The following UBXN7 variants were observed in gnomAD, a reference collection of about 807,000 sequenced individuals.
The protein encoded by UBXN7 is UBX domain protein 7.
Under a neutral mutation model 58.0 loss-of-function variants are expected in UBXN7, and 9 were observed. The observed-to-expected ratio is 0.16, with a 90% CI of 0.09 to 0.27. The LOEUF is 0.27. UBXN7 is among the 10% of genes least tolerant of loss of function. The pLI is 1.00. For synonymous variants in UBXN7, 208 were observed against 205.0 expected, an observed-to-expected ratio of 1.01 and a Z score of -0.12; for missense variants, 328 against 599.6, an observed-to-expected ratio of 0.55 and a Z score of 4.73.
At chr3:196,428,488 A>G (rs547427620) in intron 1 of UBXN7, among the ~76,000 whole-genome samples, 3 of 152,168 alleles carry the variant, frequency 2.0e-5, no homozygotes, top group East Asian at 3.9e-4. Flanking sequence ...CAGAAATTGT[A>G]TATACTATGA....
chr3:196,383,520 T>G (rs374096919), intron 5 of UBXN7, among the ~76,000 whole-genome samples: 2 of 152,140 alleles, frequency 1.3e-5, no homozygotes, highest in African/African-American at 4.8e-5. Context: ...CACATCACAC[T>G]TATTCCAAAA....
chr3:196,401,884 G>A (rs1238710531), intron 3 of UBXN7, among the ~76,000 whole-genome samples: 1 of 91,326 alleles, frequency 1.1e-5, no homozygotes, highest in African/African-American at 3.2e-5. Flanking sequence ...TGGGTACTAC[G>A]CTCATTACCT....
intron 3 of UBXN7, among the ~76,000 whole-genome samples, chr3:196,397,321 G>A (rs938663623): frequency 3.3e-5 from 5 of 152,192 alleles, no homozygotes; most frequent in African/African-American, 1.2e-4. Context: ...GAGAAGAGTG[G>A]CACTGTTTTA....
intron 5 of UBXN7, among the ~76,000 whole-genome samples, chr3:196,389,252 T>C (rs937126147): frequency 2.6e-5 from 4 of 152,208 alleles, no homozygotes; most frequent in African/African-American, 9.6e-5. Flanking sequence ...GCAGCTGCCA[T>C]GTTGAGACCA....
rs1455482241 is a variant in UBXN7, at chr3:196,353,865, CCTAG to C, written c.*2816_*2819del. 1 of 151,816 alleles carries C rather than the reference CCTAG, an allele frequency of 6.6e-6. No homozygotes were observed. The highest frequency in any genetic ancestry group is 1.9e-4 in the East Asian group (1 of 5,174). The allele number at this position is 151,816 out of a possible 1,614,324, so 9.4% of individuals were successfully genotyped here. On this transcript the variant is annotated 3_prime_UTR_variant, in exon 11 of 11. Coordinates refer to ENST00000296328, the MANE Select transcript of UBXN7 (RefSeq NM_015562.2). ...GTCTATCTTTCTTGTTCTTTTCCTC[CCTAG>C]CTTTTTTTTTTTAAACACTCCTTTC...
intron 6 of UBXN7, among the ~76,000 whole-genome samples, chr3:196,370,299 A>G (rs1728787239): frequency 6.8e-6 from 1 of 147,038 alleles, no homozygotes; most frequent in African/African-American, 2.5e-5. Flanking sequence ...GTTTGTTTTT[A>G]AATTAGCCAG....
chr3:196,420,673 C>T (rs939990571), intron 1 of UBXN7, among the ~76,000 whole-genome samples: 10 of 152,082 alleles, frequency 6.6e-5, no homozygotes, highest in Non-Finnish European at 1.3e-4. Context: ...ACCACATGAA[C>T]CCCCTTCTAA....
intron 5 of UBXN7, among the ~76,000 whole-genome samples, chr3:196,388,458 A>C (rs1729479397): frequency 6.7e-6 from 1 of 148,456 alleles, no homozygotes; most frequent in African/African-American, 2.4e-5. Context: ...AAAAGAAATA[A>C]ATAAGCTACT....
At chr3:196,386,236 C>T (rs566742544) in intron 5 of UBXN7, among the ~76,000 whole-genome samples, 74 of 152,118 alleles carry the variant, frequency 4.9e-4, no homozygotes, top group Non-Finnish European at 9.0e-4. Context: ...GACACAAACA[C>T]TGCGGAAGGC....
At chr3:196,412,824 G>A (rs180999078) in intron 1 of UBXN7, among the ~76,000 whole-genome samples, 3 of 152,206 alleles carry the variant, frequency 2.0e-5, no homozygotes, top group South Asian at 2.1e-4. Context: ...AATTACAAAC[G>A]CCATATGATT....
intron 1 of UBXN7, 182 bp downstream of exon 1, chr3:196,432,145 G>C (rs528055834): frequency 3.8e-6 from 3 of 788,470 alleles, no homozygotes; most frequent in Non-Finnish European, 6.5e-6. Context: ...GGAGCGGGGG[G>C]GGGCTGTCTC....
At chr3:196,381,621 G>A (rs772520698) in intron 5 of UBXN7, among the ~76,000 whole-genome samples, 32 of 152,214 alleles carry the variant, frequency 2.1e-4, no homozygotes, top group East Asian at 5.8e-4. Context: ...ACGGAACAAC[G>A]CTGGATGGAG....
chr3:196,385,425 C>A (rs1205570836), intron 5 of UBXN7, among the ~76,000 whole-genome samples: 1 of 152,164 alleles, frequency 6.6e-6, no homozygotes, highest in African/African-American at 2.4e-5. Flanking sequence ...GGCCGCCACC[C>A]AGTCTAGGAA....
At chr3:196,372,088 G>T in intron 5 of UBXN7, 46 bp from the exon 6 acceptor site, 1 of 1,543,676 alleles carries the variant, frequency 6.5e-7, no homozygotes. Context: ...TTTCTACTTA[G>T]TGACAGATGT....
At chr3:196,372,637 C>A (rs1196106165) in intron 5 of UBXN7, among the ~76,000 whole-genome samples, 1 of 151,790 alleles carries the variant, frequency 6.6e-6, no homozygotes, top group Admixed American at 6.6e-5. Flanking sequence ...TCATCATGAC[C>A]GGTAATGGCT....
chr3:196,368,998 G>A (rs1047850733), intron 7 of UBXN7, among the ~76,000 whole-genome samples: 34 of 151,998 alleles, frequency 2.2e-4, no homozygotes, highest in African/African-American at 8.2e-4. Context: ...AATTTTTTTT[G>A]TATTTTTAGT....
intron 3 of UBXN7, among the ~76,000 whole-genome samples, chr3:196,399,327 G>T (rs1729884638): frequency 6.6e-6 from 1 of 151,022 alleles, no homozygotes; most frequent in Non-Finnish European, 1.5e-5. Flanking sequence ...TTTTTGAGTT[G>T]GGGTCTCAAT....
chr3:196,353,947 C>T lies in UBXN7; in HGVS notation c.*2738G>A, dbSNP rs1407930567. ...GACTATTTTTAACTAATCTTACTGA[C>T]CTCATTTAATCTATTCAATAAAACC... On this transcript the variant is annotated 3_prime_UTR_variant, in exon 11 of 11. Transcript: ENST00000296328. The T allele has an allele frequency of 6.6e-6, 1 of 151,956 alleles. No individual in the cohort carries two copies. The highest frequency in any genetic ancestry group is 6.6e-5 in the Admixed American group (1 of 15,248). 9.4% of individuals were successfully genotyped at this position (151,956 alleles called of 1,614,324 possible). A position where few individuals can be genotyped will look rare whatever the true frequency, so the allele number is the denominator to read the frequency against.
chr3:196,381,465 C>G (rs1378804643), intron 5 of UBXN7, among the ~76,000 whole-genome samples: 4 of 152,174 alleles, frequency 2.6e-5, no homozygotes. Flanking sequence ...GTCATCTACA[C>G]CAAAATCCCA....
Sources: allele counts gnomAD v4.1 joint callset (sites outside exome capture counted in the v4.1 genomes callset), GRCh38; gene constraint gnomAD v4.1.1; transcripts MANE v1.5; gene names NCBI Gene and HGNC (gene_info 2026-07-23, HGNC 2026-07-21).